The following MRPS30 variants were observed in gnomAD, a reference collection of about 807,000 sequenced individuals.
The protein encoded by MRPS30 is mitochondrial ribosomal protein S30.
Under a neutral mutation model 43.8 loss-of-function variants are expected in MRPS30, and 42 were observed. That is an observed-to-expected ratio of 0.96 (90% CI 0.75 to 1.24). The LOEUF is 1.24. Ranked by LOEUF, MRPS30 falls within the 50% of genes most tolerant of loss-of-function variation. The probability of loss-of-function intolerance (pLI) is 0.00; values close to 1 mark genes in which losing one functional copy is unlikely to be tolerated. For missense variants in MRPS30, 638 were observed against 570.0 expected (o/e 1.12, Z -1.22); for synonymous variants, 273 against 228.2 (o/e 1.20, Z -1.77).
Position 44,811,885 on chromosome 5 carries a change from A to G in MRPS30, c.748-30A>G, listed in dbSNP as rs1742844933. The G allele has an allele frequency of 2.3e-6, 3 of 1,328,038 alleles. No individual in the cohort carries two copies. In the African/African-American group the frequency reaches 4.6e-5, roughly 20 times the overall value. The allele number at this position is 1,328,038 out of a possible 1,614,324, so 82.3% of individuals were successfully genotyped here. ...TAAAATACATACTAATGTTGCTGTG[A>G]ATTTAGTATGTCTTTTCTTTTTCTT... On this transcript the variant is annotated intron_variant, in intron 2 of 4. Transcript: ENST00000507110.
At chr5:44,810,261 T>C (rs2111853191) in intron 1 of MRPS30, among the ~76,000 whole-genome samples, 1 of 152,264 alleles carries the variant, frequency 6.6e-6, no homozygotes, top group East Asian at 1.9e-4. Context: ...AAACGTTAAA[T>C]GTGTCTGCCT....
chr5:44,815,086 T>C lies in MRPS30; in HGVS notation c.1204T>C (p.Tyr402His), dbSNP rs1235140392. 3.1e-6 allele frequency: 5 copies of C among 1,613,080 alleles called. No homozygotes were observed. The highest frequency in any genetic ancestry group is 2.2e-5 in the East Asian group (1 of 44,850). The change falls in exon 5 of 5, where the codon TAT becomes CAT. Residue 402 changes from tyrosine to histidine, a missense_variant. By Grantham distance (83) the Tyr-to-His change is moderately conservative. Transcript: ENST00000507110. Reference protein sequence around the residue: ...ICWGTQSKPLYETIEDNDVKG... With the variant: ...ICWGTQSKPLHETIEDNDVKG... Reference sequence around the variant, plus strand: ...TTGGGGTACACAAAGTAAGCCTCTTTATGAAACAATTGAGGATAATGATGT... The same window carrying C: ...TTGGGGTACACAAAGTAAGCCTCTTCATGAAACAATTGAGGATAATGATGT...
In MRPS30 at chr5:44,811,994, G is replaced by A. The variant is rs548096689; in HGVS notation, c.827G>A (p.Arg276Gln). Reference protein sequence around the residue: ...CKPDKLPLFKRQYENHIFVGS... With the variant: ...CKPDKLPLFKQQYENHIFVGS... ...CCAGACAAACTTCCATTATTCAAAC[G>A]GCAGTATGAAAACCACATATTTGTT... Residue 276 changes from arginine to glutamine, a missense_variant, in exon 3 of 5, where the codon CGG becomes CAG. Arg to Gln is a conservative substitution (Grantham distance 43). Transcript: ENST00000507110. 1.6e-5 allele frequency: 25 copies of A among 1,598,842 alleles called. No individual in the cohort carries two copies. The highest frequency in any genetic ancestry group is 4.0e-5 in the African/African-American group (3 of 74,366).
In MRPS30 at chr5:44,809,432, T is replaced by A; in HGVS notation, c.470T>A (p.Leu157Gln). 6.2e-7 allele frequency: 1 copy of A among 1,613,608 alleles called. No homozygotes were observed. Among genetic ancestry groups the A allele is most frequent in the Non-Finnish European group, 8.5e-7 (1 of 1,179,906 alleles). Residue 157 changes from leucine (L) to glutamine (Q), a missense_variant, in exon 1 of 5, where the codon CTG becomes CAG. By Grantham distance (113) the Leu-to-Gln change is moderately radical. Transcript: ENST00000507110. ...CDCLLQEHFY[L>Q]RRRRRVHRYE... is the part of the protein sequence containing the mutation. Reference sequence around the variant, plus strand: ...TGCCTGCTGCAGGAGCACTTCTACCTGCGGCGCAGGCGGCGCGTGCACCGT... The same window carrying A: ...TGCCTGCTGCAGGAGCACTTCTACCAGCGGCGCAGGCGGCGCGTGCACCGT...
chr5:44,808,970 C>T lies in MRPS30; in HGVS notation c.8C>T (p.Ala3Val), dbSNP rs150142880. 77 of 1,592,610 alleles carry T rather than the reference C, an allele frequency of 4.8e-5. No homozygotes were observed. The African/African-American group carries it at 8.9e-4, about 18-fold the overall frequency. Residue 3 changes from alanine (A) to valine (V), a missense_variant, in exon 1 of 5, where the codon GCG (alanine) becomes GTG (valine). Ala to Val is a moderately conservative substitution (Grantham distance 64, BLOSUM62 0). Transcript: ENST00000507110. MA[A>V]ARCWRPLLRG... ...CCGGAATCGCGGGCAAAGATGGCGG[C>T]GGCCAGGTGTTGGAGGCCTTTGCTA...
intron 4 of MRPS30, among the ~76,000 whole-genome samples, chr5:44,814,093 A>G (rs927589720): frequency 2.0e-5 from 3 of 152,144 alleles, no homozygotes; most frequent in African/African-American, 7.2e-5. Context: ...ATTTAGGAAC[A>G]ACATGAAGGG....
chr5:44,811,247 T>A (rs1000524305), intron 2 of MRPS30, 93 bp downstream of exon 2: 1 of 1,389,014 alleles, frequency 7.2e-7, no homozygotes, highest in African/African-American at 1.4e-5. Context: ...ATAAAATGTT[T>A]CAGGTGGATC....
rs367803496 is a variant in MRPS30, at chr5:44,809,364, A to G, written c.402A>G (p.Glu134=). 2.4e-5 allele frequency: 38 copies of G among 1,608,538 alleles called. 1 individual carries two copies. The Middle Eastern group carries it at 1.2e-3, about 49-fold the overall frequency. The change falls in exon 1 of 5, where the codon GAA becomes GAG. Residue 134 remains glutamate (E), a synonymous_variant. Coordinates refer to ENST00000507110, the MANE Select transcript of MRPS30 (RefSeq NM_016640.4). ...EPEPEPEPEP[E]PALDLAALRA... ...AGCCCGAGCCCGAACCCGAACCTGA[A>G]CCTGCGCTGGACCTCGCGGCGCTGC...
At chr5:44,811,421 T>C (rs1327725707) in intron 2 of MRPS30, among the ~76,000 whole-genome samples, 2 of 152,244 alleles carry the variant, frequency 1.3e-5, no homozygotes, top group Non-Finnish European at 2.9e-5. Flanking sequence ...TTTCTCTTAA[T>C]ATAAAAATTC....
Position 44,809,297 on chromosome 5 carries a change from C to A in MRPS30, c.335C>A (p.Thr112Asn). 3.1e-6 allele frequency: 5 copies of A among 1,613,194 alleles called. No individual in the cohort carries two copies. Among genetic ancestry groups the A allele is most frequent in the Non-Finnish European group, 4.2e-6 (5 of 1,179,768 alleles). Residue 112 changes from threonine (T) to asparagine (N), a missense_variant, in exon 1 of 5, where the codon ACC becomes AAC. Coordinates refer to ENST00000507110, the MANE Select transcript of MRPS30 (RefSeq NM_016640.4). ...CGCTGGTACCAGTACTTCACCAAGA[C>A]CGTGTTCCTGTCGGGTCTGCCGCCG... ...ADRWYQYFTKTVFLSGLPPPP... is the reference protein window; with the variant it reads ...ADRWYQYFTKNVFLSGLPPPP...
intron 4 of MRPS30, 25 bp downstream of exon 4, chr5:44,813,307 T>G (rs923553653): frequency 8.6e-5 from 133 of 1,542,590 alleles, no homozygotes; most frequent in Non-Finnish European, 1.2e-4. Flanking sequence ...TATAGCATTT[T>G]CTTTGAAGGT....
intron 3 of MRPS30, 66 bp downstream of exon 3, chr5:44,812,086 A>G: frequency 9.3e-7 from 1 of 1,080,026 alleles, no homozygotes; most frequent in South Asian, 1.6e-5. Flanking sequence ...AATTTGGAGT[A>G]TTGACTACAA....
Position 44,809,560 on chromosome 5 carries a change from C to A in MRPS30, c.598C>A (p.Leu200Ile). Residue 200 changes from leucine (L) to isoleucine (I), a missense_variant, in exon 1 of 5, where the codon CTC (leucine) becomes ATC (isoleucine). Coordinates refer to ENST00000507110, the MANE Select transcript of MRPS30 (RefSeq NM_016640.4). ...CAACCCGGCCCTGGCCGCTGCCGCC[C>A]TCGGTGAGCCTTGGATTCCGCCCCA... ...PHNPALAAAALDYRCPVHFYW... is the reference protein window; with the variant it reads ...PHNPALAAAAIDYRCPVHFYW... 6.3e-7 allele frequency: 1 copy of A among 1,591,202 alleles called. No individual in the cohort carries two copies. Among genetic ancestry groups the A allele is most frequent in the Non-Finnish European group, 8.6e-7 (1 of 1,169,232 alleles).
Position 44,809,059 on chromosome 5 carries a change from T to G in MRPS30, c.97T>G (p.Cys33Gly). The change falls in exon 1 of 5, where the codon TGC (cysteine) becomes GGC (glycine). Residue 33 changes from cysteine to glycine, a missense_variant. Physicochemically the swap from Cys to Gly is radical, Grantham distance 159. Coordinates refer to ENST00000507110, the MANE Select transcript of MRPS30 (RefSeq NM_016640.4). Reference sequence around the variant, plus strand: ...CGCCGCCACGGCTACAGAAACGACCTGCCAAGACGTCGCGGCGACCCCCGT... The same window carrying G: ...CGCCGCCACGGCTACAGAAACGACCGGCCAAGACGTCGCGGCGACCCCCGT... Reference protein sequence around the residue: ...NAAATATETTCQDVAATPVAR... With the variant: ...NAAATATETTGQDVAATPVAR... 6.2e-7 allele frequency: 1 copy of G among 1,610,632 alleles called. No homozygotes were observed. Among genetic ancestry groups the G allele is most frequent in the Non-Finnish European group, 8.5e-7 (1 of 1,179,048 alleles).
Position 44,815,369 on chromosome 5 carries a change from A to G in MRPS30, c.*167A>G. On this transcript the variant is annotated 3_prime_UTR_variant, in exon 5 of 5. Coordinates refer to ENST00000507110, the MANE Select transcript of MRPS30 (RefSeq NM_016640.4). The stretch of plus-strand genomic sequence containing the variant: ...TACTCTGCTCAAATTCATCACTGAA[A>G]GATTTAATTTTAGTTACCTTTTGTT... 1 of 588,188 alleles carries G rather than the reference A, an allele frequency of 1.7e-6. No individual in the cohort carries two copies. The highest frequency in any genetic ancestry group is 2.7e-6 in the Non-Finnish European group (1 of 366,408). The allele number at this position is 588,188 out of a possible 1,614,324, so 36.4% of individuals were successfully genotyped here. A position where few individuals can be genotyped will look rare whatever the true frequency, so the allele number is the denominator to read the frequency against.
Position 44,809,478 on chromosome 5 carries a change from A to C in MRPS30, c.516A>C (p.Ile172=). The change falls in exon 1 of 5, where the codon ATA becomes ATC. Residue 172 remains isoleucine (I), a synonymous_variant. Transcript: ENST00000507110. ...ACCGTTACGAGGAGAGCGAGGTCAT[A>C]TCTTTGCCCTTCCTGGATCAGCTGG... ...RVHRYEESEV[I]SLPFLDQLVS... is the part of the protein sequence containing the mutation. The C allele has an allele frequency of 1.2e-6, 2 of 1,613,952 alleles. No homozygotes were observed. Among genetic ancestry groups the C allele is most frequent in the Middle Eastern group, 3.3e-4 (2 of 6,060 alleles).
chr5:44,811,081 G>C lies in MRPS30; in HGVS notation c.674G>C (p.Arg225Pro), dbSNP rs751273694. 3 of 1,613,844 alleles carry C rather than the reference G, an allele frequency of 1.9e-6. No homozygotes were observed. The highest frequency in any genetic ancestry group is 2.7e-5 in the African/African-American group (2 of 74,910). Reference protein sequence around the residue: ...EIIPRGHRRGRIDDLRYQIDD... With the variant: ...EIIPRGHRRGPIDDLRYQIDD... ...ATTCCTCGTGGTCATCGAAGAGGTC[G>C]AATTGATGACTTGCGATACCAGATA... The change falls in exon 2 of 5, where the codon CGA (arginine) becomes CCA (proline). Residue 225 changes from arginine to proline, a missense_variant. By Grantham distance (103) the Arg-to-Pro change is moderately radical (BLOSUM62 -2). Transcript: ENST00000507110.
intron 4 of MRPS30, 100 bp from the exon 5 acceptor site, chr5:44,814,813 G>A: frequency 9.3e-7 from 1 of 1,076,088 alleles, no homozygotes; most frequent in African/African-American, 1.6e-5. Context: ...AAGTATCTAA[G>A]TTGTAGGAGG....
At chr5:44,810,468 T>C (rs561093332) in intron 1 of MRPS30, among the ~76,000 whole-genome samples, 1 of 152,362 alleles carries the variant, frequency 6.6e-6, no homozygotes, top group East Asian at 1.9e-4. Flanking sequence ...TTAATATTTA[T>C]TGAAGTAATG....
Sources: gnomAD v4.1 joint callset for allele counts (sites outside exome capture counted in the v4.1 genomes callset) on GRCh38, gnomAD v4.1.1 for gene constraint, MANE v1.5 for transcripts, NCBI Gene and HGNC (gene_info 2026-07-23, HGNC 2026-07-21) for gene names.